ITFG2: variants seen among roughly 807,000 people sequenced by gnomAD.
ITFG2 encodes integrin alpha FG-GAP repeat containing 2.
A neutral mutation model predicts 54.4 loss-of-function variants in ITFG2; 36 were observed. The ratio of observed to expected loss-of-function variants is 0.66; its 90% CI spans 0.51 to 0.87. ITFG2 has a LOEUF of 0.87. ITFG2 is among the 40% of genes least tolerant of loss of function. The pLI is 0.00. For missense variants in ITFG2, 524 were observed against 576.7 expected, an observed-to-expected ratio of 0.91 and a Z score of 0.94; for synonymous variants, 211 against 225.4, an observed-to-expected ratio of 0.94 and a Z score of 0.57.
chr12:2,826,831 G>A, downstream of ITFG2: 1 of 305,674 alleles, frequency 3.3e-6, no homozygotes. Context: ...AAGTTGAGTT[G>A]TGTTTGGGGT....
downstream of ITFG2, chr12:2,827,681 T>C (rs1415964328): frequency 6.2e-7 from 1 of 1,614,070 alleles, no homozygotes; most frequent in South Asian, 1.1e-5. This position sits in a 1 kb window ranked among gnomAD's most constrained non-coding sequence, Gnocchi z 4.0. Context: ...TCAGCATCTA[T>C]AGGAACAATT....
Position 2,820,797 on chromosome 12 carries a change from A to C in ITFG2, c.620A>C (p.Tyr207Ser). The change falls in exon 6 of 12, where the codon TAT becomes TCT. Residue 207 changes from tyrosine (Y) to serine (S), a missense_variant. Coordinates refer to ENST00000228799, the MANE Select transcript of ITFG2 (RefSeq NM_018463.4). ...ELMVSQPGCA[Y>S]AILLCTWKKD... ...ATGGTGTCTCAGCCAGGTTGTGCGT[A>C]TGCAATTCTACTGTGTACCTGGAAA... 1 of 1,613,990 alleles carries C rather than the reference A, an allele frequency of 6.2e-7. No individual in the cohort carries two copies. Among genetic ancestry groups the C allele is most frequent in the Non-Finnish European group, 8.5e-7 (1 of 1,179,956 alleles).
chr12:2,817,511 C>T (rs1437982631), intron 2 of ITFG2, 193 bp downstream of exon 2: 4 of 580,032 alleles, frequency 6.9e-6, no homozygotes, highest in South Asian at 4.2e-5. Flanking sequence ...TCCTCACACA[C>T]GCGTGCGTGG....
At chr12:2,826,987 T>C (rs1026495833), downstream of ITFG2, 41 of 1,371,204 alleles carry the variant, frequency 3.0e-5, no homozygotes, top group African/African-American at 5.5e-4. Flanking sequence ...CCTGGCATCG[T>C]GGGCCCTCTA....
intron 2 of ITFG2, chr12:2,830,785 G>A (rs746985537): frequency 1.3e-5 from 21 of 1,613,756 alleles, no homozygotes; most frequent in African/African-American, 4.0e-5. Flanking sequence ...ATCAGGTCCT[G>A]CATCCGGGGA....
chr12:2,841,676 A>G (rs910244926), intron 2 of ITFG2, among the ~76,000 whole-genome samples: 3 of 152,064 alleles, frequency 2.0e-5, no homozygotes, highest in Non-Finnish European at 4.4e-5. Flanking sequence ...TGTGTGAAAC[A>G]TCTCATGAAT....
At chr12:2,834,365 C>T (rs1441958054), upstream of ITFG2, among the ~76,000 whole-genome samples, 1 of 152,186 alleles carries the variant, frequency 6.6e-6, no homozygotes, top group Non-Finnish European at 1.5e-5. Flanking sequence ...GCCCCCACTT[C>T]TAAACAGCCT....
intron 2 of ITFG2, among the ~76,000 whole-genome samples, chr12:2,850,945 T>A (rs2098068488): frequency 1.3e-5 from 2 of 151,204 alleles, no homozygotes; most frequent in Non-Finnish European, 2.9e-5. Flanking sequence ...GTGCTGAGAT[T>A]ACAAGCATGA....
upstream of ITFG2, chr12:2,834,714 C>A: frequency 1.2e-6 from 2 of 1,614,058 alleles, no homozygotes; most frequent in Non-Finnish European, 1.7e-6. Flanking sequence ...TGTGCAGGAA[C>A]TGGGTGGCCT....
At position 2,817,338 on chromosome 12, in the gene ITFG2, G is replaced by A. The variant is rs756733597; in HGVS notation, c.192+20G>A. The A allele has an allele frequency of 2.9e-5, 45 of 1,558,774 alleles. No homozygotes were observed. The East Asian group carries it at 6.7e-4, about 23-fold the overall frequency. ...GGAATGGTCAGTATTCACTTCCCTGGGCCTGGAGGGGGGAAGGGATCCCTT... is the reference window on the plus strand; with the variant it reads ...GGAATGGTCAGTATTCACTTCCCTGAGCCTGGAGGGGGGAAGGGATCCCTT... On this transcript the variant is annotated intron_variant, in intron 2 of 11. Transcript: ENST00000228799.
intron 4 of ITFG2, chr12:2,819,778 G>T: frequency 4.3e-6 from 1 of 231,790 alleles, no homozygotes; most frequent in Non-Finnish European, 8.3e-6. Context: ...AAAGTGGCAA[G>T]CAAGGGAACC....
At chr12:2,834,230 A>C (rs1473798047), upstream of ITFG2, among the ~76,000 whole-genome samples, 2 of 152,196 alleles carry the variant, frequency 1.3e-5, no homozygotes, top group Non-Finnish European at 1.5e-5. Context: ...ACAAGTGGAT[A>C]GACAGACCTG....
downstream of ITFG2, chr12:2,827,268 C>G: frequency 1.9e-6 from 3 of 1,614,060 alleles, no homozygotes; most frequent in Non-Finnish European, 2.5e-6. This position sits in a 1 kb window ranked among gnomAD's most constrained non-coding sequence, Gnocchi z 4.0. Flanking sequence ...GGCTTTCAGC[C>G]GCAGCACTCC....
At chr12:2,827,024 C>T, downstream of ITFG2, 1 of 1,433,302 alleles carries the variant, frequency 7.0e-7, no homozygotes. The surrounding 1 kb of genome is among the most constrained non-coding windows in gnomAD (Gnocchi z 4.0). Context: ...GGGAGTAGGA[C>T]AGCTGCTGAG....
intron 3 of ITFG2, chr12:2,858,716 G>C (rs756946538): frequency 1.2e-6 from 2 of 1,614,224 alleles, no homozygotes; most frequent in African/African-American, 1.3e-5. Flanking sequence ...CAGGAAAGCT[G>C]ATGTCCAGCA....
At chr12:2,828,360 T>G, downstream of ITFG2, 1 of 1,614,144 alleles carries the variant, frequency 6.2e-7, no homozygotes, top group Non-Finnish European at 8.5e-7. Flanking sequence ...CCAGCAGAGA[T>G]CCGATTGTAT....
At chr12:2,841,387 G>A (rs750229484) in intron 2 of ITFG2, among the ~76,000 whole-genome samples, 7 of 152,218 alleles carry the variant, frequency 4.6e-5, no homozygotes, top group Non-Finnish European at 5.9e-5. Flanking sequence ...TGAAGGGGCA[G>A]AGAAGGGCTT....
chr12:2,859,242 G>A (rs1442499197), intron 3 of ITFG2: 2 of 1,613,734 alleles, frequency 1.2e-6, no homozygotes, highest in Non-Finnish European at 1.7e-6. Context: ...GGGCCCCTCT[G>A]AGAAGAGCAG....
At chr12:2,839,520 A>G (rs2098036031) in intron 1 of ITFG2, among the ~76,000 whole-genome samples, 1 of 152,230 alleles carries the variant, frequency 6.6e-6, no homozygotes, top group Non-Finnish European at 1.5e-5. Flanking sequence ...TGAAAGTGAT[A>G]AATATGGCTC....
Sources: gnomAD v4.1 joint callset for allele counts (sites outside exome capture counted in the v4.1 genomes callset) on GRCh38, gnomAD v4.1.1 for gene constraint, Gnocchi (gnomAD v3.1) non-coding constraint, MANE v1.5 for transcripts, NCBI Gene and HGNC (gene_info 2026-07-23, HGNC 2026-07-21) for gene names.